The following SLC16A7 variants were observed in gnomAD, a reference collection of about 807,000 sequenced individuals.
The protein encoded by SLC16A7 is solute carrier family 16 member 7, also known as monocarboxylate transporter 2.
A neutral mutation model predicts 34.9 loss-of-function variants in SLC16A7; 33 were observed. The observed-to-expected ratio is 0.94, with a 90% CI of 0.72 to 1.26. The LOEUF (loss-of-function observed/expected upper bound fraction) is 1.26. Ranked by LOEUF, SLC16A7 falls within the 50% of genes most tolerant of loss-of-function variation. SLC16A7 has a pLI of 0.00. For missense variants in SLC16A7, 573 were observed against 578.1 expected (o/e 0.99, Z 0.09); for synonymous variants, 201 against 206.6 (o/e 0.97, Z 0.23).
chr12:59,699,072 T>C (rs1872605542), intron 2 of SLC16A7, among the ~76,000 whole-genome samples: 1 of 151,720 alleles, frequency 6.6e-6, no homozygotes, highest in Non-Finnish European at 1.5e-5. Flanking sequence ...GGATTGTGGG[T>C]GATTTGCATG....
At chr12:59,702,286 G>A (rs1333371198) in intron 2 of SLC16A7, among the ~76,000 whole-genome samples, 1 of 151,720 alleles carries the variant, frequency 6.6e-6, no homozygotes, top group African/African-American at 2.4e-5. Context: ...ATGCACATGT[G>A]CTGTAAACTC....
intron 3 of SLC16A7, chr12:59,733,642 C>T (rs1230359794): frequency 1.8e-5 from 8 of 449,774 alleles, no homozygotes; most frequent in Non-Finnish European, 3.1e-5. Flanking sequence ...CTCTCCTTCT[C>T]ATCACCTGAA....
At chr12:59,768,363 A>G (rs2137427606) in intron 3 of SLC16A7, 1 of 318,880 alleles carries the variant, frequency 3.1e-6, no homozygotes, top group East Asian at 8.2e-5. Context: ...CAAGAGAACT[A>G]GAATTAGAAG....
intron 2 of SLC16A7, chr12:59,664,536 T>C (rs957746320): frequency 1.8e-4 from 27 of 152,188 alleles, no homozygotes; most frequent in African/African-American, 6.3e-4. Context: ...CACTAAACTA[T>C]TAATGTATAT....
chr12:59,716,850 T>TA (rs776402443), intron 3 of SLC16A7, among the ~76,000 whole-genome samples: 3 of 152,110 alleles, frequency 2.0e-5, no homozygotes, highest in Non-Finnish European at 1.5e-5. Flanking sequence ...TGTCTCACAA[T>TA]AAATAAAAAT....
Position 59,775,083 on chromosome 12 carries a change from C to A in SLC16A7, c.788C>A (p.Ala263Asp). ...GTCATTATGTTCCTAGGTTTTTTTG[C>A]CCCCATTATATTCTTGGCTCCATAT... Reference protein sequence around the residue: ...GNVIMFLGFFAPIIFLAPYAK... With the variant: ...GNVIMFLGFFDPIIFLAPYAK... Residue 263 changes from alanine (A) to aspartate (D), a missense_variant, in exon 5 of 6, where the codon GCC becomes GAC. Physicochemically the swap from Ala to Asp is moderately radical, Grantham distance 126. Transcript: ENST00000547379. 6.2e-7 allele frequency: 1 copy of A among 1,613,824 alleles called. No individual in the cohort carries two copies. The highest frequency in any genetic ancestry group is 1.1e-5 in the South Asian group (1 of 91,066).
intron 3 of SLC16A7, chr12:59,735,884 T>G: frequency 9.2e-7 from 1 of 1,084,964 alleles, no homozygotes; most frequent in Non-Finnish European, 1.2e-6. Flanking sequence ...AAAACTAACC[T>G]TTCAAATGGC....
intron 1 of SLC16A7, among the ~76,000 whole-genome samples, chr12:59,605,406 G>A (rs1878890724): frequency 6.6e-6 from 1 of 152,140 alleles, no homozygotes; most frequent in Admixed American, 6.5e-5. Context: ...GAGGTGGCAA[G>A]ACTCCCATGG....
intron 1 of SLC16A7, among the ~76,000 whole-genome samples, chr12:59,607,411 C>T (rs1422881268): frequency 6.6e-6 from 1 of 152,094 alleles, no homozygotes; most frequent in Non-Finnish European, 1.5e-5. Flanking sequence ...AATGCTATAA[C>T]CATTTGTCTA....
At chr12:59,622,231 C>T (rs1452239170) in intron 1 of SLC16A7, among the ~76,000 whole-genome samples, 1 of 151,880 alleles carries the variant, frequency 6.6e-6, no homozygotes, top group African/African-American at 2.4e-5. Context: ...TGCTGGGCTT[C>T]TGTGTAAGCC....
chr12:59,689,910 C>T (rs1169822958), intron 2 of SLC16A7, among the ~76,000 whole-genome samples: 5 of 151,878 alleles, frequency 3.3e-5, no homozygotes, highest in Non-Finnish European at 5.9e-5. Context: ...TAGGAAGAAC[C>T]AGGGACAATT....
chr12:59,690,207 T>G lies in SLC16A7; in HGVS notation c.-30-14565T>G, dbSNP rs138384006. ...CTGCACACATGGTAACATGTAAAACTCTCAGATAAATTTTTCCCTAAAGGA... is the reference window on the plus strand; with the variant it reads ...CTGCACACATGGTAACATGTAAAACGCTCAGATAAATTTTTCCCTAAAGGA... On this transcript the variant is annotated intron_variant, in intron 2 of 5. Coordinates refer to ENST00000547379, the MANE Select transcript of SLC16A7 (RefSeq NM_001270623.2). Among the ~76,000 whole-genome samples, 211 of 152,070 alleles carry G rather than the reference T, an allele frequency of 1.4e-3. 1 individual carries two copies. Among genetic ancestry groups the G allele is most frequent in the Middle Eastern group, 6.8e-3 (2 of 294 alleles).
intron 3 of SLC16A7, among the ~76,000 whole-genome samples, chr12:59,751,957 G>A (rs570111346): frequency 1.1e-4 from 16 of 152,238 alleles, no homozygotes; most frequent in Middle Eastern, 6.8e-3. Flanking sequence ...ACGAAAATCC[G>A]CTGATCTGCA....
intron 1 of SLC16A7, among the ~76,000 whole-genome samples, chr12:59,600,437 C>A (rs1430619303): frequency 1.3e-5 from 2 of 152,014 alleles, no homozygotes; most frequent in Non-Finnish European, 2.9e-5. Context: ...AACATCTGCA[C>A]ACTAGCTCTC....
rs1235477473 is a variant in SLC16A7 at position 59,717,880 on chromosome 12, A to AT, written c.217+12870dup. On this transcript the variant is annotated intron_variant, in intron 3 of 5. Coordinates refer to ENST00000547379, the MANE Select transcript of SLC16A7 (RefSeq NM_001270623.2). Reference sequence around the variant, plus strand: ...GTGAATGTTGAACAATTATATTTAGATTTTTTTTCTACCTATTTGTGAAGA... The same window carrying AT: ...GTGAATGTTGAACAATTATATTTAGATTTTTTTTTCTACCTATTTGTGAAGA... 4.6e-5 allele frequency among the ~76,000 whole-genome samples: 7 copies of AT among 152,000 alleles called. 1 individual carries two copies. The highest frequency in any genetic ancestry group is 1.0e-4 in the Non-Finnish European group (7 of 67,966).
rs1371933992 is a variant in SLC16A7, at chr12:59,782,515, C to T, written c.*2836C>T. ...TTTAAACATTTGAGATATCATGAAG[C>T]AAAGTCAGGGTATACCACTACAATC... On this transcript the variant is annotated 3_prime_UTR_variant, in exon 6 of 6. Transcript: ENST00000547379. The T allele has an allele frequency of 6.6e-6, 1 of 152,146 alleles. No individual in the cohort carries two copies. The highest frequency in any genetic ancestry group is 2.4e-5 in the African/African-American group (1 of 41,458). 9.4% of individuals were successfully genotyped at this position (152,146 alleles called of 1,614,324 possible).
At chr12:59,708,745 TGTA>T (rs1248947372) in intron 3 of SLC16A7, among the ~76,000 whole-genome samples, 1 of 151,570 alleles carries the variant, frequency 6.6e-6, no homozygotes, top group Non-Finnish European at 1.5e-5. Context: ...TGGAGTCTCT[TGTA>T]GTAATTAGTT....
At chr12:59,771,167 CAAAT>C in intron 3 of SLC16A7, 48 bp from the exon 4 acceptor site, 1 of 1,538,842 alleles carries the variant, frequency 6.5e-7, no homozygotes, top group South Asian at 1.2e-5. Context: ...TAAAGATAAA[CAAAT>C]AAATGACAAG....
At chr12:59,763,268 T>C (rs1035751387) in intron 3 of SLC16A7, among the ~76,000 whole-genome samples, 27 of 152,120 alleles carry the variant, frequency 1.8e-4, no homozygotes, top group Non-Finnish European at 2.6e-4. Context: ...TGGTTTTTAA[T>C]TGAGGTACGT....
Sources: allele counts gnomAD v4.1 joint callset (sites outside exome capture counted in the v4.1 genomes callset), GRCh38; gene constraint gnomAD v4.1.1; transcripts MANE v1.5; gene names NCBI Gene and HGNC (gene_info 2026-07-23, HGNC 2026-07-21).